The following SGCD variants were observed in gnomAD, a reference collection of about 807,000 sequenced individuals.
SGCD encodes the protein delta-sarcoglycan.
SGCD carries 18 observed loss-of-function variants against 36.6 expected under a neutral mutation model. The observed-to-expected ratio is 0.49, with a 90% CI of 0.34 to 0.73. The LOEUF is 0.73. Among genes scored for constraint, SGCD ranks in the 30% least tolerant of loss-of-function variants. The pLI, the probability that SGCD is intolerant of heterozygous loss-of-function variation, is 0.01. For synonymous variants in SGCD, 133 were observed against 130.6 expected (o/e 1.02, Z -0.12); for missense variants, 387 against 346.7 (o/e 1.12, Z -0.92).
intron 3 of SGCD, among the ~76,000 whole-genome samples, chr5:156,474,671 G>T (rs914482460): frequency 1.3e-5 from 2 of 152,188 alleles, no homozygotes; most frequent in African/African-American, 4.8e-5. Flanking sequence ...ATCTAGAGAT[G>T]TGCCTGCTCT....
At chr5:156,366,132 G>A (rs932143516) in intron 3 of SGCD, among the ~76,000 whole-genome samples, 52 of 152,318 alleles carry the variant, frequency 3.4e-4, no homozygotes, top group African/African-American at 1.0e-3. Context: ...GCCCCCATGG[G>A]TGCTCCTGAG....
At chr5:156,575,511 C>CTCCACACT (rs1205029673) in intron 4 of SGCD, among the ~76,000 whole-genome samples, 2 of 152,158 alleles carry the variant, frequency 1.3e-5, no homozygotes, top group Non-Finnish European at 2.9e-5. Flanking sequence ...GTAAGTTGTG[C>CTCCACACT]TCCACACTCA....
intron 6 of SGCD, among the ~76,000 whole-genome samples, chr5:156,613,697 T>C (rs745683835): frequency 3.3e-5 from 5 of 152,244 alleles, no homozygotes; most frequent in Admixed American, 6.5e-5. Context: ...GTAAGCTGTG[T>C]TGAAGCAAGA....
intron 1 of SGCD, among the ~76,000 whole-genome samples, chr5:155,980,168 G>A (rs1758196837): frequency 6.6e-6 from 1 of 152,124 alleles, no homozygotes; most frequent in African/African-American, 2.4e-5. Flanking sequence ...CCAAAACTGT[G>A]AGAAATACAT....
At chr5:155,820,213 GC>G in the SGCD span, among the ~76,000 whole-genome samples, 1 of 152,048 alleles carries the variant, frequency 6.6e-6, no homozygotes, top group Non-Finnish European at 1.5e-5. Context: ...TTTTTTGCTG[GC>G]TTTCTTTAAG....
At chr5:156,378,320 A>G (rs1770785123) in intron 3 of SGCD, among the ~76,000 whole-genome samples, 2 of 152,182 alleles carry the variant, frequency 1.3e-5, no homozygotes, top group Non-Finnish European at 1.5e-5. Context: ...GAAAGTAGAA[A>G]GATGGTTGCC....
intron 4 of SGCD, among the ~76,000 whole-genome samples, chr5:156,551,219 C>T (rs1164144922): frequency 6.6e-6 from 1 of 152,220 alleles, no homozygotes; most frequent in African/African-American, 2.4e-5. Context: ...ATCCAGATCT[C>T]TGCCAAAATT....
At chr5:155,733,334 G>A in the SGCD span, among the ~76,000 whole-genome samples, 1 of 152,266 alleles carries the variant, frequency 6.6e-6, no homozygotes, top group East Asian at 1.9e-4. Context: ...CACTTAAATT[G>A]TTTTCTCAGT....
chr5:156,766,106 AG>A lies in SGCD; in HGVS notation c.*6717del, dbSNP rs1193334914. 2.6e-5 allele frequency: 4 copies of A among 151,828 alleles called. No homozygotes were observed. The highest frequency in any genetic ancestry group is 9.7e-5 in the African/African-American group (4 of 41,314). 9.4% of individuals were successfully genotyped at this position (151,828 alleles called of 1,614,324 possible). A position where few individuals can be genotyped will look rare whatever the true frequency, so the allele number is the denominator to read the frequency against. ...CATTTAGGAAAAAATTGTAATACTC[AG>A]TTATCTGTGTGTGTGGCTAAACAAG... On this transcript the variant is annotated 3_prime_UTR_variant, in exon 9 of 9. Transcript: ENST00000337851.
Position 156,714,704 on chromosome 5 carries a change from G to A in SGCD, c.576-42877G>A, listed in dbSNP as rs1003619571. ...CTGTTGTGATTAATGAGAATTGATC[G>A]GACGTGTTAATCCAGTGAAATTTAG... is the stretch of plus-strand genomic sequence containing the variant. On this transcript the variant is annotated intron_variant, in intron 7 of 8. Transcript: ENST00000337851. Among the ~76,000 whole-genome samples the A allele has an allele frequency of 7.9e-5, 12 of 152,158 alleles. No homozygotes were observed. The East Asian group carries it at 9.6e-4, about 12-fold the overall frequency.
chr5:156,143,154 G>C (rs973830702), intron 3 of SGCD, among the ~76,000 whole-genome samples: 2 of 152,242 alleles, frequency 1.3e-5, no homozygotes, highest in African/African-American at 4.8e-5. Flanking sequence ...GCTCTAGCCA[G>C]GTACAACTCA....
intron 3 of SGCD, among the ~76,000 whole-genome samples, chr5:156,419,337 A>G (rs935614605): frequency 6.6e-6 from 1 of 152,052 alleles, no homozygotes; most frequent in Non-Finnish European, 1.5e-5. Flanking sequence ...GGGACTTCCT[A>G]CCTTTTTCTG....
At chr5:156,229,261 CATATATAT>C (rs1263970141) in intron 3 of SGCD, among the ~76,000 whole-genome samples, 6 of 14,028 alleles carry the variant, frequency 4.3e-4, no homozygotes, top group African/African-American at 9.1e-4. Context: ...TACATACATA[CATATATAT>C]ATACATACAT....
At chr5:156,521,082 C>T (rs1010050736) in intron 4 of SGCD, among the ~76,000 whole-genome samples, 10 of 141,180 alleles carry the variant, frequency 7.1e-5, no homozygotes, top group South Asian at 2.2e-4. Context: ...ACAAACCTGA[C>T]AAAAACAAGC....
At chr5:155,987,190 A>T (rs1758349627) in intron 1 of SGCD, among the ~76,000 whole-genome samples, 1 of 152,220 alleles carries the variant, frequency 6.6e-6, no homozygotes, top group Admixed American at 6.5e-5. Context: ...TTGAACTTGC[A>T]TTAATTAATA....
At chr5:155,926,364 T>C (rs1173999740) in intron 1 of SGCD, among the ~76,000 whole-genome samples, 1 of 152,162 alleles carries the variant, frequency 6.6e-6, no homozygotes, top group Non-Finnish European at 1.5e-5. Context: ...GGACTTTTGG[T>C]TCCAAATATG....
chr5:156,748,771 T>C (rs1027873796), intron 7 of SGCD, among the ~76,000 whole-genome samples: 2 of 152,318 alleles, frequency 1.3e-5, no homozygotes, highest in East Asian at 3.9e-4. Context: ...GATTTATACA[T>C]ACTGAGACAA....
At chr5:155,851,213 C>T in the SGCD span, among the ~76,000 whole-genome samples, 9 of 152,036 alleles carry the variant, frequency 5.9e-5, no homozygotes, top group African/African-American at 2.2e-4. Context: ...GCAGTGTGTT[C>T]TTCGGGATTC....
intron 1 of SGCD, among the ~76,000 whole-genome samples, chr5:155,882,240 T>G (rs1162095098): frequency 6.6e-6 from 1 of 151,704 alleles, no homozygotes; most frequent in African/African-American, 2.4e-5. Flanking sequence ...TACACCTGAC[T>G]TTTTTTTAAA....
Sources: gnomAD v4.1 joint callset for allele counts (sites outside exome capture counted in the v4.1 genomes callset) on GRCh38, gnomAD v4.1.1 for gene constraint, MANE v1.5 for transcripts, NCBI Gene and HGNC (gene_info 2026-07-23, HGNC 2026-07-21) for gene names.